The following TTC39B variants were observed in gnomAD, a reference collection of about 807,000 sequenced individuals.
The protein encoded by TTC39B is tetratricopeptide repeat protein 39B.
TTC39B carries 92 observed loss-of-function variants against 96.6 expected under a neutral mutation model. That is an observed-to-expected ratio of 0.95 (90% confidence interval 0.80 to 1.13). TTC39B has a LOEUF of 1.13. TTC39B is among the 50% of genes most tolerant of loss of function. The pLI is 0.00. For synonymous variants in TTC39B, 367 were observed against 299.4 expected (o/e 1.23, Z -2.33); for missense variants, 955 against 809.3 (o/e 1.18, Z -2.18).
intron 2 of TTC39B, among the ~76,000 whole-genome samples, chr9:15,263,011 C>A (rs758220457): frequency 2.0e-5 from 3 of 152,140 alleles, no homozygotes; most frequent in African/African-American, 7.2e-5. Context: ...AAAAAGTTCA[C>A]ATAAAAACAA....
intron 7 of TTC39B, among the ~76,000 whole-genome samples, chr9:15,202,059 C>G (rs1001727228): frequency 6.6e-6 from 1 of 152,160 alleles, no homozygotes; most frequent in South Asian, 2.1e-4. Flanking sequence ...AGAGACGGAG[C>G]TGCACAATCT....
chr9:15,240,755 T>C (rs760467436), intron 2 of TTC39B, among the ~76,000 whole-genome samples: 1 of 152,208 alleles, frequency 6.6e-6, no homozygotes, highest in Non-Finnish European at 1.5e-5. Context: ...CACTACTCAA[T>C]GTGTTTCTCA....
At chr9:15,194,638 C>T (rs1235185978) in intron 8 of TTC39B, among the ~76,000 whole-genome samples, 1 of 152,152 alleles carries the variant, frequency 6.6e-6, no homozygotes, top group Non-Finnish European at 1.5e-5. Flanking sequence ...GCCATTTTTC[C>T]AACAATATGT....
At chr9:15,212,262 C>T (rs1221267842) in intron 4 of TTC39B, among the ~76,000 whole-genome samples, 1 of 152,082 alleles carries the variant, frequency 6.6e-6, no homozygotes, top group Non-Finnish European at 1.5e-5. Flanking sequence ...TGCAGCTTGT[C>T]CTGAACATTG....
rs553056001 is a variant in TTC39B, at chr9:15,306,329, C to T, written c.240+755G>A. Among the ~76,000 whole-genome samples the T allele has an allele frequency of 3.3e-5, 5 of 152,376 alleles. No individual in the cohort carries two copies. The highest frequency in any genetic ancestry group is 1.2e-4 in the African/African-American group (5 of 41,598). On this transcript the variant is annotated intron_variant, in intron 1 of 19. Coordinates refer to ENST00000512701, the Ensembl canonical transcript of TTC39B. This position sits in a 1 kb window ranked among gnomAD's most constrained non-coding sequence, Gnocchi z 5.1. ...TCCGGCGCGCTAGCCCCTGGGTGCT[C>T]AGGCCCGGGCGCGCCACGACTGAAG...
intron 6 of TTC39B, among the ~76,000 whole-genome samples, chr9:15,206,733 C>G (rs759531291): frequency 2.6e-5 from 4 of 151,570 alleles, no homozygotes; most frequent in Non-Finnish European, 5.9e-5. Flanking sequence ...GCTATAGTCA[C>G]AAGTTTATTA....
At chr9:15,207,672 T>C (rs887626305) in intron 6 of TTC39B, among the ~76,000 whole-genome samples, 14 of 152,038 alleles carry the variant, frequency 9.2e-5, no homozygotes, top group African/African-American at 3.1e-4. Flanking sequence ...ATATAGCACA[T>C]ACAGGATGCT....
At chr9:15,200,458 A>G (rs1819469108) in intron 7 of TTC39B, among the ~76,000 whole-genome samples, 1 of 152,218 alleles carries the variant, frequency 6.6e-6, no homozygotes, top group Non-Finnish European at 1.5e-5. Flanking sequence ...AGTGGCTGTC[A>G]CTACTACACA....
At chr9:15,194,898 C>T (rs369578025) in intron 8 of TTC39B, among the ~76,000 whole-genome samples, 13 of 152,318 alleles carry the variant, frequency 8.5e-5, no homozygotes, top group African/African-American at 3.1e-4. Context: ...CCTCCCTATT[C>T]CCTCAGACAA....
At chr9:15,234,510 C>T (rs1236687476) in intron 2 of TTC39B, among the ~76,000 whole-genome samples, 2 of 140,634 alleles carry the variant, frequency 1.4e-5, no homozygotes. Flanking sequence ...TGCCTGGCCA[C>T]CACCCCGTCT....
intron 4 of TTC39B, among the ~76,000 whole-genome samples, chr9:15,212,091 T>C (rs1201879029): frequency 6.6e-6 from 1 of 152,236 alleles, no homozygotes; most frequent in Admixed American, 6.5e-5. Flanking sequence ...TTCTCAAAAC[T>C]TCTTAAGCTG....
chr9:15,214,984 C>G (rs589817), intron 3 of TTC39B, among the ~76,000 whole-genome samples: 33,114 of 152,164 alleles, frequency 0.22, 3,921 homozygotes, highest in African/African-American at 0.31. Flanking sequence ...TAAACCAGCA[C>G]GCATGTTTGG....
chr9:15,220,151 G>A (rs1377768308), intron 3 of TTC39B, among the ~76,000 whole-genome samples: 1 of 152,198 alleles, frequency 6.6e-6, no homozygotes, highest in East Asian at 1.9e-4. Context: ...ACTAATTTGT[G>A]TGGAAGTATC....
At chr9:15,303,678 G>A (rs138785905) in intron 1 of TTC39B, among the ~76,000 whole-genome samples, 1,959 of 151,062 alleles carry the variant, frequency 0.013, 40 homozygotes, top group African/African-American at 0.044. Context: ...TGTTGCCCCC[G>A]CTGGAGTACA....
chr9:15,197,215 G>T (rs1819220568), intron 8 of TTC39B, among the ~76,000 whole-genome samples: 1 of 152,132 alleles, frequency 6.6e-6, no homozygotes, highest in African/African-American at 2.4e-5. Context: ...TATCTCTGAG[G>T]TATACCTGTA....
intron 1 of TTC39B, among the ~76,000 whole-genome samples, chr9:15,269,146 A>C (rs1823244041): frequency 6.6e-6 from 1 of 152,242 alleles, no homozygotes; most frequent in African/African-American, 2.4e-5. Flanking sequence ...CTCCTCAAGA[A>C]GAACATCTCT....
chr9:15,276,447 T>C lies in TTC39B; in HGVS notation c.241-8499A>G, dbSNP rs553223705. Among the ~76,000 whole-genome samples, 9 of 152,312 alleles carry C rather than the reference T, an allele frequency of 5.9e-5. No individual in the cohort carries two copies. The East Asian group carries it at 1.7e-3, about 29-fold the overall frequency. On this transcript the variant is annotated intron_variant, in intron 1 of 19. Coordinates refer to ENST00000512701, the Ensembl canonical transcript of TTC39B. ...GACCAAAGGAGATCAGAGGGGAAAG[T>C]GCCTGGCATGGAGCCAGTGCCCATC...
chr9:15,198,431 T>C lies in TTC39B; in HGVS notation c.824+1430A>G, dbSNP rs544020653. The stretch of plus-strand genomic sequence containing the variant: ...GAGATCACACCACTGCACTCCAGCC[T>C]GGGCAACAAAGCAAGGTCTCGGTCG... On this transcript the variant is annotated intron_variant, in intron 8 of 19. Coordinates refer to ENST00000512701, the Ensembl canonical transcript of TTC39B. Among the ~76,000 whole-genome samples, 15 of 148,742 alleles carry C rather than the reference T, an allele frequency of 1.0e-4. No individual in the cohort carries two copies. The East Asian group carries it at 2.8e-3, about 28-fold the overall frequency.
intron 1 of TTC39B, among the ~76,000 whole-genome samples, chr9:15,296,767 G>C (rs961306618): frequency 4.6e-5 from 7 of 152,246 alleles, no homozygotes; most frequent in Middle Eastern, 3.4e-3. Context: ...AAAGTGCTGG[G>C]ATTACAGACA....
Sources: gnomAD v4.1 joint callset for allele counts (sites outside exome capture counted in the v4.1 genomes callset) on GRCh38, gnomAD v4.1.1 for gene constraint, Gnocchi (gnomAD v3.1) non-coding constraint, MANE v1.5 for transcripts, NCBI Gene and HGNC (gene_info 2026-07-23, HGNC 2026-07-21) for gene names.